Variants in DIXDC1 observed in about 807,000 individuals in gnomAD.
The protein encoded by DIXDC1 is dixin.
Under a neutral mutation model 103.1 loss-of-function variants are expected in DIXDC1, and 64 were observed. The ratio of observed to expected loss-of-function variants is 0.62; its 90% CI spans 0.51 to 0.76. DIXDC1 has a LOEUF of 0.76. Among genes scored for constraint, DIXDC1 ranks in the 30% least tolerant of loss-of-function variants. The pLI is 0.00. For missense variants in DIXDC1, 759 were observed against 834.2 expected, an observed-to-expected ratio of 0.91 and a Z score of 1.11; for synonymous variants, 266 against 298.5, an observed-to-expected ratio of 0.89 and a Z score of 1.12.
At chr11:112,013,098 T>C (rs1861473418) in intron 17 of DIXDC1, among the ~76,000 whole-genome samples, 1 of 152,094 alleles carries the variant, frequency 6.6e-6, no homozygotes, top group African/African-American at 2.4e-5. Flanking sequence ...ATGGCCAGGT[T>C]TTGGTGAGGG....
Position 111,966,228 on chromosome 11 carries a change from C to CTT in DIXDC1, c.190+1562_190+1563dup, listed in dbSNP as rs71060203. 7.6e-3 allele frequency among the ~76,000 whole-genome samples: 695 copies of CTT among 91,522 alleles called. 3 individuals carry two copies. Among genetic ancestry groups the CTT allele is most frequent in the African/African-American group, 0.013 (312 of 23,310 alleles). 60.0% of individuals were successfully genotyped at this position (91,522 alleles called of 152,430 possible). On this transcript the variant is annotated intron_variant, in intron 2 of 19. Transcript: ENST00000440460. The stretch of plus-strand genomic sequence containing the variant: ...CGGGGTTTTTTTTTTTTTTTTTTTC[C>CTT]TTTTTTTTTTTTTGAAACGGAGTTT...
intron 1 of DIXDC1, among the ~76,000 whole-genome samples, chr11:111,960,126 T>C (rs587715140): frequency 6.6e-6 from 1 of 150,478 alleles, no homozygotes; most frequent in African/African-American, 2.4e-5. Context: ...GCCAGGCTGG[T>C]ATTGAACTCC....
intron 1 of DIXDC1, among the ~76,000 whole-genome samples, chr11:111,928,079 C>T (rs1192730329): frequency 2.0e-5 from 3 of 150,902 alleles, no homozygotes; most frequent in Non-Finnish European, 4.4e-5. Context: ...AAAGCACTTG[C>T]GACAAGTACA....
At chr11:111,955,704 G>A (rs1215640974) in intron 1 of DIXDC1, among the ~76,000 whole-genome samples, 5 of 151,406 alleles carry the variant, frequency 3.3e-5, no homozygotes, top group South Asian at 2.1e-4. Flanking sequence ...GCATAGTGGC[G>A]CATGCCTGTA....
intron 10 of DIXDC1, among the ~76,000 whole-genome samples, chr11:111,990,424 T>A (rs1455206708): frequency 6.6e-6 from 1 of 152,064 alleles, no homozygotes; most frequent in Non-Finnish European, 1.5e-5. Flanking sequence ...TCAGCACATT[T>A]GTGTCTACAT....
intron 1 of DIXDC1, among the ~76,000 whole-genome samples, chr11:111,947,791 A>T (rs1341828564): frequency 1.3e-5 from 2 of 152,248 alleles, no homozygotes; most frequent in Non-Finnish European, 2.9e-5. Context: ...TAGTGATGAC[A>T]TGCCAAAGGC....
At chr11:112,014,176 C>T (rs1487893302) in intron 17 of DIXDC1, among the ~76,000 whole-genome samples, 2 of 152,200 alleles carry the variant, frequency 1.3e-5, no homozygotes, top group African/African-American at 4.8e-5. Flanking sequence ...AACTACTGCA[C>T]AGGATTTCTG....
intron 17 of DIXDC1, among the ~76,000 whole-genome samples, chr11:111,996,492 C>CA (rs1276500136): frequency 6.6e-6 from 1 of 152,000 alleles, no homozygotes; most frequent in Non-Finnish European, 1.5e-5. Flanking sequence ...CCAAACAGCA[C>CA]AAAAAAAATT....
At position 112,021,051 on chromosome 11, in the gene DIXDC1, TC is replaced by T. The variant is rs1304663106; in HGVS notation, c.*2016del. The T allele has an allele frequency of 6.6e-6, 1 of 152,256 alleles. No individual in the cohort carries two copies. The highest frequency in any genetic ancestry group is 1.5e-5 in the Non-Finnish European group (1 of 68,042). The allele number at this position is 152,256 out of a possible 1,614,324, so 9.4% of individuals were successfully genotyped here. On this transcript the variant is annotated 3_prime_UTR_variant, in exon 20 of 20. Transcript: ENST00000440460. ...ATTATTGTATTTCCAATACAGTTTG[TC>T]TTGAATGTCTGTCTCTTAAACCAGT...
At chr11:112,000,426 C>T (rs1042572248) in intron 17 of DIXDC1, among the ~76,000 whole-genome samples, 5 of 152,070 alleles carry the variant, frequency 3.3e-5, no homozygotes, top group African/African-American at 1.2e-4. Flanking sequence ...CAGCCAGGTG[C>T]GGTGGCTCAC....
At chr11:112,009,233 T>C (rs1237777667) in intron 17 of DIXDC1, among the ~76,000 whole-genome samples, 3 of 152,120 alleles carry the variant, frequency 2.0e-5, no homozygotes, top group Non-Finnish European at 4.4e-5. Context: ...CCTGGACACA[T>C]ACACCCTCCC....
intron 1 of DIXDC1, among the ~76,000 whole-genome samples, chr11:111,961,807 A>C (rs1555171125): frequency 6.6e-6 from 1 of 152,268 alleles, no homozygotes; most frequent in African/African-American, 2.4e-5. Flanking sequence ...TGATTCAAAC[A>C]AATATTTGTT....
At chr11:111,974,661 C>T (rs1345222488) in intron 4 of DIXDC1, among the ~76,000 whole-genome samples, 2 of 152,092 alleles carry the variant, frequency 1.3e-5, no homozygotes, top group Admixed American at 1.3e-4. Context: ...TGTGTATCTG[C>T]TAAGAGAGAG....
rs587643216 is a variant in DIXDC1, at chr11:112,021,246, G to C, written c.*2210G>C. ...ATAAAAAGCTTAAGTTGAGTTCATG[G>C]GAGAACATTAAGATCGTTTTTTTTC... is the stretch of plus-strand genomic sequence containing the variant. On this transcript the variant is annotated 3_prime_UTR_variant, in exon 20 of 20. Transcript: ENST00000440460. The C allele has an allele frequency of 2.6e-5, 4 of 152,298 alleles. No individual in the cohort carries two copies. Among genetic ancestry groups the C allele is most frequent in the African/African-American group, 9.6e-5 (4 of 41,574 alleles). The allele number at this position is 152,298 out of a possible 1,614,324, so 9.4% of individuals were successfully genotyped here.
chr11:112,017,981 C>T lies in DIXDC1; in HGVS notation c.1971+96C>T. On this transcript the variant is annotated intron_variant, in intron 19 of 19. Transcript: ENST00000440460. The surrounding 1 kb of genome is among the most constrained non-coding windows in gnomAD (Gnocchi z 4.0). ...ACTAGTGTCCAGAAGTACATGAGTT[C>T]CCTGACTAGGTCAGAAGAATTTGCC... is the stretch of plus-strand genomic sequence containing the variant. The T allele has an allele frequency of 1.1e-6, 1 of 940,902 alleles. No individual in the cohort carries two copies. Among genetic ancestry groups the T allele is most frequent in the Non-Finnish European group, 1.6e-6 (1 of 624,024 alleles). The allele number at this position is 940,902 out of a possible 1,614,324, so 58.3% of individuals were successfully genotyped here.
At position 111,977,711 on chromosome 11, in the gene DIXDC1, C is replaced by G; in HGVS notation, c.656+2728C>G. The G allele has an allele frequency of 6.5e-7, 1 of 1,548,630 alleles. No individual in the cohort carries two copies. The highest frequency in any genetic ancestry group is 8.7e-7 in the Non-Finnish European group (1 of 1,145,694). On this transcript the variant is annotated intron_variant, in intron 5 of 19. Transcript: ENST00000440460. This position sits in a 1 kb window ranked among gnomAD's most constrained non-coding sequence, Gnocchi z 6.1. ...GCCTGAATTTGGGAGCGATGTGACT[C>G]TCAGCCTCCCACTTCACCCGGGGAC...
intron 10 of DIXDC1, 147 bp downstream of exon 10, chr11:111,989,202 A>G: frequency 1.6e-6 from 1 of 617,340 alleles, no homozygotes; most frequent in South Asian, 2.2e-5. Context: ...GGGAAGTGAG[A>G]CATGTCGAGG....
At chr11:112,006,218 C>T (rs1301902255) in intron 17 of DIXDC1, among the ~76,000 whole-genome samples, 3 of 152,260 alleles carry the variant, frequency 2.0e-5, no homozygotes, top group Non-Finnish European at 4.4e-5. Flanking sequence ...TGCGAGGCAA[C>T]AGCCTGGCAG....
chr11:112,000,706 AAAG>A (rs1277212326), intron 17 of DIXDC1, among the ~76,000 whole-genome samples: 1 of 152,162 alleles, frequency 6.6e-6, no homozygotes, highest in African/African-American at 2.4e-5. Context: ...AAAAAAAAAA[AAAG>A]GGCCAATAAA....
Sources: gnomAD v4.1 joint callset for allele counts (sites outside exome capture counted in the v4.1 genomes callset) on GRCh38, gnomAD v4.1.1 for gene constraint, Gnocchi (gnomAD v3.1) non-coding constraint, MANE v1.5 for transcripts, NCBI Gene and HGNC (gene_info 2026-07-23, HGNC 2026-07-21) for gene names.